The following NTM variants were observed in gnomAD, a reference collection of about 807,000 sequenced individuals.
NTM encodes neurotrimin, also known as IgLON family member 2.
NTM carries 13 observed loss-of-function variants against 42.1 expected under a neutral mutation model. That is an observed-to-expected ratio of 0.31 (90% CI 0.20 to 0.49). NTM has a LOEUF of 0.49. NTM is among the 20% of genes least tolerant of loss of function. The probability of loss-of-function intolerance (pLI) is 0.99; values close to 1 mark genes in which losing one functional copy is unlikely to be tolerated. For missense variants in NTM, 373 were observed against 452.8 expected, an observed-to-expected ratio of 0.82 and a Z score of 1.60; for synonymous variants, 187 against 179.2, an observed-to-expected ratio of 1.04 and a Z score of -0.35.
At chr11:131,371,374 T>G (rs1941150429) in intron 1 of NTM, among the ~76,000 whole-genome samples, 1 of 152,186 alleles carries the variant, frequency 6.6e-6, no homozygotes. Flanking sequence ...AGGTGCTTCC[T>G]GTGAGGTTCT....
intron 2 of NTM, among the ~76,000 whole-genome samples, chr11:132,131,443 G>T (rs925734725): frequency 1.3e-5 from 2 of 152,192 alleles, no homozygotes; most frequent in East Asian, 3.9e-4. Context: ...AAATACACAG[G>T]CCCTGCCTTC....
At chr11:131,638,434 C>T (rs887392269) in intron 1 of NTM, among the ~76,000 whole-genome samples, 15 of 151,894 alleles carry the variant, frequency 9.9e-5, no homozygotes, top group South Asian at 2.1e-4. Flanking sequence ...GGCATGATGG[C>T]GGGTGCCTGT....
At chr11:131,911,488 G>A (rs1481331280) in intron 1 of NTM, 76 bp from the exon 2 acceptor site, 2 of 1,614,142 alleles carry the variant, frequency 1.2e-6, no homozygotes, top group Non-Finnish European at 1.7e-6. Context: ...GAGAATGGGG[G>A]TCTGTGGGTA....
intron 2 of NTM, among the ~76,000 whole-genome samples, chr11:131,928,368 T>A (rs1417305454): frequency 2.0e-5 from 3 of 152,250 alleles, no homozygotes; most frequent in African/African-American, 7.2e-5. Context: ...TGTTAATACA[T>A]TCCATTAGCA....
At chr11:132,071,745 A>C (rs187193290) in intron 2 of NTM, among the ~76,000 whole-genome samples, 1 of 152,024 alleles carries the variant, frequency 6.6e-6, no homozygotes, top group East Asian at 1.9e-4. Context: ...AGAGAGAAAG[A>C]ACATTTTTTT....
chr11:131,937,339 C>G (rs757976887), intron 2 of NTM, among the ~76,000 whole-genome samples: 3 of 152,096 alleles, frequency 2.0e-5, no homozygotes, highest in Non-Finnish European at 4.4e-5. Flanking sequence ...CTGTGTATTG[C>G]TTCTTGTTCT....
Position 131,662,948 on chromosome 11 carries a change from A to G in NTM, c.83-248616A>G, listed in dbSNP as rs77557725. Among the ~76,000 whole-genome samples the G allele has an allele frequency of 6.7e-3, 1,026 of 152,278 alleles. 10 individuals are homozygous for G. Among genetic ancestry groups the G allele is most frequent in the African/African-American group, 0.023 (956 of 41,558 alleles). ...CATGTTCCACAGAGCATATAAGTAC[A>G]TGGGATATATTTGAATAGTTTTAAT... On this transcript the variant is annotated intron_variant, in intron 1 of 8. Coordinates refer to ENST00000683400, the MANE Select transcript of NTM (RefSeq NM_001352005.2).
chr11:131,810,417 T>C (rs925836875), intron 1 of NTM, among the ~76,000 whole-genome samples: 2 of 152,186 alleles, frequency 1.3e-5, no homozygotes, highest in Non-Finnish European at 2.9e-5. Context: ...TCTGCTCTGC[T>C]CCTTCCAGAT....
chr11:132,099,791 G>T (rs916566634), intron 2 of NTM, among the ~76,000 whole-genome samples: 2 of 152,182 alleles, frequency 1.3e-5, no homozygotes, highest in Non-Finnish European at 2.9e-5. Flanking sequence ...AGAAGGTCAG[G>T]TGCTTTCTCA....
chr11:131,795,968 G>A, intron 1 of NTM: 1 of 984,076 alleles, frequency 1.0e-6, no homozygotes, highest in Non-Finnish European at 1.2e-6. Context: ...CCAGATGGGA[G>A]GAAGGGAAAA....
intron 4 of NTM, among the ~76,000 whole-genome samples, chr11:132,265,259 A>C (rs1046112186): frequency 6.6e-6 from 1 of 152,236 alleles, no homozygotes; most frequent in African/African-American, 2.4e-5. Flanking sequence ...AGAGCCAGAT[A>C]TATTTTTATT....
chr11:131,385,354 A>AG (rs1241366402), intron 1 of NTM: 10 of 152,222 alleles, frequency 6.6e-5, no homozygotes, highest in Non-Finnish European at 1.3e-4. Context: ...CCATAAAACC[A>AG]TGATGTTTCA....
intron 1 of NTM, among the ~76,000 whole-genome samples, chr11:131,411,541 G>A (rs1404173096): frequency 6.4e-4 from 3 of 4,660 alleles, no homozygotes; most frequent in Admixed American, 2.3e-3. Context: ...AGGGGGGGCC[G>A]TGTGTGTGTG....
At chr11:131,826,331 ACAATAAGGAGAGCTAGAGG>A (rs1484433724) in intron 1 of NTM, among the ~76,000 whole-genome samples, 1 of 152,132 alleles carries the variant, frequency 6.6e-6, no homozygotes. Flanking sequence ...CAGCAAGATA[ACAATAAGGAGAGCTAGAGG>A]TAAAATTGAC....
intron 4 of NTM, among the ~76,000 whole-genome samples, chr11:132,237,206 C>A (rs540195533): frequency 7.2e-5 from 11 of 152,346 alleles, no homozygotes; most frequent in Admixed American, 5.9e-4. Flanking sequence ...ATGCCAGATG[C>A]TAACTTAGAT....
chr11:131,391,644 G>GGAAAAAAAAAAAA (rs1565455663), intron 1 of NTM, among the ~76,000 whole-genome samples: 1 of 81,560 alleles, frequency 1.2e-5, no homozygotes, highest in African/African-American at 4.6e-5. Flanking sequence ...TTTTATCTGG[G>GGAAAAAAAAAAAA]AAAAAAAAAA....
intron 1 of NTM, among the ~76,000 whole-genome samples, chr11:131,847,049 C>T (rs781007446): frequency 1.3e-5 from 2 of 152,054 alleles, no homozygotes; most frequent in African/African-American, 2.4e-5. Flanking sequence ...AGCTAAGGTT[C>T]CTGCTTCTGT....
rs2335470 is a variant in NTM, at chr11:132,217,358, C to T, written c.526+5211C>T. 6.9e-3 allele frequency among the ~76,000 whole-genome samples: 989 copies of T among 142,772 alleles called. 11 individuals carry two copies. Among genetic ancestry groups the T allele is most frequent in the African/African-American group, 0.022 (856 of 38,348 alleles). 93.7% of individuals were successfully genotyped at this position (142,772 alleles called of 152,430 possible). A position where few individuals can be genotyped will look rare whatever the true frequency, so the allele number is the denominator to read the frequency against. ...CCTCTTTCTCTCTCTCTCTCTCTTTCTGTGTGTGTGTGTGTGTGTGTGTGT... is the reference window on the plus strand; with the variant it reads ...CCTCTTTCTCTCTCTCTCTCTCTTTTTGTGTGTGTGTGTGTGTGTGTGTGT... On this transcript the variant is annotated intron_variant, in intron 4 of 8. Coordinates refer to ENST00000683400, the MANE Select transcript of NTM (RefSeq NM_001352005.2).
chr11:131,694,601 G>A (rs546868300), intron 1 of NTM, among the ~76,000 whole-genome samples: 60 of 152,316 alleles, frequency 3.9e-4, no homozygotes, highest in African/African-American at 1.4e-3. Flanking sequence ...CAAGGCTGAA[G>A]CGGGAAGTGC....
Sources: allele counts gnomAD v4.1 joint callset (sites outside exome capture counted in the v4.1 genomes callset), GRCh38; gene constraint gnomAD v4.1.1; transcripts MANE v1.5; gene names NCBI Gene and HGNC (gene_info 2026-07-23, HGNC 2026-07-21).